Variants in LUZP2 observed in about 807,000 individuals in gnomAD.
The protein encoded by LUZP2 is leucine zipper protein 2.
Under a neutral mutation model 51.6 loss-of-function variants are expected in LUZP2, and 52 were observed. That is an observed-to-expected ratio of 1.01 (90% CI 0.81 to 1.27). LUZP2 has a LOEUF of 1.27. LUZP2 is among the 50% of genes most tolerant of loss of function. LUZP2 has a pLI of 0.00. For synonymous variants in LUZP2, 154 were observed against 137.3 expected (o/e 1.12, Z -0.85); for missense variants, 436 against 395.4 (o/e 1.10, Z -0.87).
chr11:24,743,280 A>G (rs1443298382), intron 4 of LUZP2, among the ~76,000 whole-genome samples: 4 of 152,146 alleles, frequency 2.6e-5, no homozygotes, highest in Non-Finnish European at 5.9e-5. Context: ...TGCTTTGGGC[A>G]GTATGGCCGT....
chr11:24,823,736 A>G (rs1021971416), intron 5 of LUZP2, among the ~76,000 whole-genome samples: 4 of 152,158 alleles, frequency 2.6e-5, no homozygotes, highest in Non-Finnish European at 5.9e-5. Flanking sequence ...TATAAAATAA[A>G]TTAATGATTT....
At chr11:24,646,223 C>T (rs1416109045) in intron 1 of LUZP2, among the ~76,000 whole-genome samples, 4 of 151,722 alleles carry the variant, frequency 2.6e-5, no homozygotes, top group Non-Finnish European at 4.4e-5. Flanking sequence ...GCACAGTGTG[C>T]GTGTAAAAAT....
intron 5 of LUZP2, among the ~76,000 whole-genome samples, chr11:24,773,441 G>A (rs148440717): frequency 6.4e-4 from 97 of 152,288 alleles, no homozygotes; most frequent in African/African-American, 2.2e-3. Context: ...AGAAGATAAA[G>A]TACATTCCTA....
intron 1 of LUZP2, among the ~76,000 whole-genome samples, chr11:24,583,062 G>C (rs1156647768): frequency 1.3e-5 from 2 of 151,958 alleles, no homozygotes; most frequent in African/African-American, 4.8e-5. Flanking sequence ...TTATCATTCA[G>C]CCCTTTTCTT....
At chr11:25,019,559 T>G (rs952476107) in intron 9 of LUZP2, among the ~76,000 whole-genome samples, 1 of 152,138 alleles carries the variant, frequency 6.6e-6, no homozygotes, top group African/African-American at 2.4e-5. Flanking sequence ...TGCCTTATAC[T>G]CCACCAAAAC....
At chr11:24,620,376 T>C (rs1483170849) in intron 1 of LUZP2, among the ~76,000 whole-genome samples, 1 of 152,204 alleles carries the variant, frequency 6.6e-6, no homozygotes. Flanking sequence ...TTTTAAGTTT[T>C]GTCAAGGTAT....
At chr11:24,565,622 G>C (rs1228390735) in intron 1 of LUZP2, among the ~76,000 whole-genome samples, 1 of 152,054 alleles carries the variant, frequency 6.6e-6, no homozygotes, top group South Asian at 2.1e-4. Flanking sequence ...GATTCCAAAG[G>C]TTTCACTGGT....
At chr11:24,529,225 C>CA (rs893853646) in intron 1 of LUZP2, among the ~76,000 whole-genome samples, 5 of 150,522 alleles carry the variant, frequency 3.3e-5, no homozygotes, top group South Asian at 2.1e-4. Flanking sequence ...TGTCTTTATA[C>CA]AAAAAAAACC....
At chr11:24,947,498 T>C (rs1854932443) in intron 7 of LUZP2, among the ~76,000 whole-genome samples, 1 of 151,982 alleles carries the variant, frequency 6.6e-6, no homozygotes, top group Non-Finnish European at 1.5e-5. Flanking sequence ...AACTATATAA[T>C]CTTTTATATA....
chr11:24,594,165 A>G (rs1206263014), intron 1 of LUZP2, among the ~76,000 whole-genome samples: 1 of 152,202 alleles, frequency 6.6e-6, no homozygotes. Context: ...AAAGTGAAAA[A>G]TTTCAATCAA....
intron 10 of LUZP2, among the ~76,000 whole-genome samples, chr11:25,059,885 C>T (rs1359399900): frequency 1.3e-5 from 2 of 151,906 alleles, no homozygotes; most frequent in Non-Finnish European, 2.9e-5. Context: ...TGATAGGAAT[C>T]AAACTTATTG....
rs1279501275 is a variant in LUZP2, at chr11:24,976,597, C to A, written c.529C>A (p.Gln177Lys). ...TTTATCTCTTATTTTACAGGCGCAG[C>A]AGCTTACTGATCTGGAACAAAAATT... ...GKKDLLFKAQ[Q>K]LTDLEQKLAV... is the part of the protein sequence containing the mutation. Residue 177 changes from glutamine (Q) to lysine (K), a missense_variant, in exon 8 of 12, where the codon CAG (glutamine) becomes AAG (lysine). Transcript: ENST00000336930. The A allele has an allele frequency of 1.3e-6, 2 of 1,583,436 alleles. No homozygotes were observed. Among genetic ancestry groups the A allele is most frequent in the African/African-American group, 2.8e-5 (2 of 71,152 alleles).
chr11:24,900,028 G>A (rs2133776979), intron 5 of LUZP2, among the ~76,000 whole-genome samples: 1 of 152,224 alleles, frequency 6.6e-6, no homozygotes, highest in Admixed American at 6.5e-5. Context: ...CTTTGCCAAT[G>A]ATAGCTATGT....
At chr11:24,952,475 A>T (rs918665699) in intron 7 of LUZP2, among the ~76,000 whole-genome samples, 1 of 151,724 alleles carries the variant, frequency 6.6e-6, no homozygotes. Context: ...AAGAAAAGGT[A>T]GAAAGGAATG....
chr11:24,874,134 G>A (rs1457760692), intron 5 of LUZP2, among the ~76,000 whole-genome samples: 1 of 152,110 alleles, frequency 6.6e-6, no homozygotes, highest in Non-Finnish European at 1.5e-5. Context: ...ACTCACCTGG[G>A]AACAATGCTA....
At chr11:24,600,871 C>T (rs1449186587) in intron 1 of LUZP2, among the ~76,000 whole-genome samples, 1 of 152,048 alleles carries the variant, frequency 6.6e-6, no homozygotes, top group African/African-American at 2.4e-5. Context: ...AGTAAAATTA[C>T]TGTGGTTATA....
rs974963067 is a variant in LUZP2, at chr11:24,611,998, T to C, written c.62+114693T>C. On this transcript the variant is annotated intron_variant, in intron 1 of 11. Coordinates refer to ENST00000336930, the MANE Select transcript of LUZP2 (RefSeq NM_001009909.4). The surrounding 1 kb of genome is among the most constrained non-coding windows in gnomAD (Gnocchi z 4.6). ...AGGAAGAAGCATTTTAGGATTTATG[T>C]TTTTAAAAGATCATGTACTGAAAAA... Among the ~76,000 whole-genome samples, 3 of 152,136 alleles carry C rather than the reference T, an allele frequency of 2.0e-5. No individual in the cohort carries two copies. Among genetic ancestry groups the C allele is most frequent in the Non-Finnish European group, 4.4e-5 (3 of 68,010 alleles).
At chr11:25,063,588 T>C (rs1858912358) in intron 10 of LUZP2, among the ~76,000 whole-genome samples, 1 of 151,894 alleles carries the variant, frequency 6.6e-6, no homozygotes, top group East Asian at 1.9e-4. Flanking sequence ...TATTTATATT[T>C]TGTGTAATTT....
intron 10 of LUZP2, among the ~76,000 whole-genome samples, chr11:25,076,549 G>A (rs925644967): frequency 1.3e-5 from 2 of 149,664 alleles, no homozygotes; most frequent in Non-Finnish European, 3.0e-5. Flanking sequence ...GGAAGGAAGA[G>A]AGGAGGGAAG....
Sources: allele counts gnomAD v4.1 joint callset (sites outside exome capture counted in the v4.1 genomes callset), GRCh38; gene constraint gnomAD v4.1.1; non-coding constraint Gnocchi (gnomAD v3.1); transcripts MANE v1.5; gene names NCBI Gene and HGNC (gene_info 2026-07-23, HGNC 2026-07-21).